Variants in ATF7 observed in about 807,000 individuals in gnomAD.
ATF7 encodes cyclic AMP-dependent transcription factor ATF-7.
ATF7 carries 10 observed loss-of-function variants against 50.4 expected under a neutral mutation model. The observed-to-expected ratio is 0.20, with a 90% CI of 0.12 to 0.34. The LOEUF is 0.34. Among genes scored for constraint, ATF7 ranks in the 10% least tolerant of loss-of-function variants. The pLI is 1.00. For missense variants in ATF7, 465 were observed against 613.9 expected (o/e 0.76, Z 2.56); for synonymous variants, 201 against 226.4 (o/e 0.89, Z 1.01).
chr12:53,552,800 G>C (rs558269663), intron 2 of ATF7, among the ~76,000 whole-genome samples, 163 bp from the exon 3 acceptor site: 9 of 152,132 alleles, frequency 5.9e-5, no homozygotes, highest in African/African-American at 1.9e-4. Flanking sequence ...GGAGAAAAAA[G>C]GGTGCTAGAA....
intron 3 of ATF7, among the ~76,000 whole-genome samples, chr12:53,551,076 A>T (rs141319190): frequency 5.5e-4 from 84 of 152,304 alleles, no homozygotes; most frequent in African/African-American, 1.9e-3. Context: ...AAATACTACA[A>T]TTTTTTTATG....
At chr12:53,529,945 T>C (rs188650920) in intron 9 of ATF7, among the ~76,000 whole-genome samples, 1 of 151,904 alleles carries the variant, frequency 6.6e-6, no homozygotes, top group African/African-American at 2.4e-5. Flanking sequence ...GGTTTCACCA[T>C]GTTGGTCAGT....
intron 1 of ATF7, among the ~76,000 whole-genome samples, chr12:53,624,033 A>T (rs1944503725): frequency 6.6e-6 from 1 of 152,184 alleles, no homozygotes; most frequent in Non-Finnish European, 1.5e-5. Flanking sequence ...AGATGGTAGC[A>T]CTAGTGAGAA....
intron 1 of ATF7, among the ~76,000 whole-genome samples, chr12:53,624,554 A>C (rs1232071164): frequency 6.6e-6 from 1 of 152,248 alleles, no homozygotes; most frequent in Non-Finnish European, 1.5e-5. Flanking sequence ...TACAGAATTA[A>C]GAACTGGTAA....
At chr12:53,554,635 G>A (rs1265256444) in intron 2 of ATF7, among the ~76,000 whole-genome samples, 1 of 151,294 alleles carries the variant, frequency 6.6e-6, no homozygotes, top group African/African-American at 2.4e-5. Flanking sequence ...GGCCTAGGTG[G>A]GTGGATCACT....
intron 2 of ATF7, among the ~76,000 whole-genome samples, chr12:53,581,704 T>C (rs139254899): frequency 6.6e-6 from 1 of 152,134 alleles, no homozygotes; most frequent in East Asian, 1.9e-4. Context: ...GGGAAACTGA[T>C]AGCAGTGAAT....
intron 11 of ATF7, 133 bp downstream of exon 11, chr12:53,523,143 C>T (rs1252496491): frequency 3.1e-6 from 2 of 655,564 alleles, no homozygotes; most frequent in African/African-American, 3.6e-5. Context: ...GGTTGCTCCA[C>T]AAGGGCCACT....
downstream of ATF7, among the ~76,000 whole-genome samples, chr12:53,509,524 G>C (rs1391790242): frequency 7.2e-6 from 1 of 138,116 alleles, no homozygotes; most frequent in African/African-American, 2.7e-5. Context: ...TTTTTTTTAC[G>C]ATGGAGTCTG....
At chr12:53,570,239 G>A (rs1751388135) in intron 2 of ATF7, among the ~76,000 whole-genome samples, 1 of 152,006 alleles carries the variant, frequency 6.6e-6, no homozygotes, top group Non-Finnish European at 1.5e-5. Context: ...ATAACAAATT[G>A]TTCCAATTAT....
chr12:53,545,219 C>A (rs1271911839), intron 3 of ATF7, among the ~76,000 whole-genome samples: 2 of 152,094 alleles, frequency 1.3e-5, no homozygotes, highest in East Asian at 3.9e-4. Context: ...TGCAGGTGGC[C>A]TCTAACTTTC....
At chr12:53,527,269 G>A (rs1724313571) in intron 9 of ATF7, among the ~76,000 whole-genome samples, 1 of 152,042 alleles carries the variant, frequency 6.6e-6, no homozygotes, top group Admixed American at 6.6e-5. Context: ...AGGATCACTG[G>A]AGCCCAGGAG....
intron 1 of ATF7, among the ~76,000 whole-genome samples, chr12:53,611,941 T>C (rs1428163927): frequency 6.6e-6 from 1 of 150,926 alleles, no homozygotes; most frequent in Non-Finnish European, 1.5e-5. Context: ...AAAGAATATG[T>C]TGTGATATGT....
chr12:53,594,068 C>G (rs1239498326), intron 2 of ATF7, among the ~76,000 whole-genome samples: 6 of 152,214 alleles, frequency 3.9e-5, no homozygotes, highest in African/African-American at 1.4e-4. Context: ...ATGACAATAT[C>G]TTGTAAGTCA....
chr12:53,562,550 G>A (rs1941195047), intron 2 of ATF7, among the ~76,000 whole-genome samples: 1 of 152,110 alleles, frequency 6.6e-6, no homozygotes, highest in South Asian at 2.1e-4. Flanking sequence ...GGCTGAGGCA[G>A]GAGAATCACT....
intron 2 of ATF7, among the ~76,000 whole-genome samples, chr12:53,564,768 T>A (rs1941350820): frequency 6.6e-6 from 1 of 152,242 alleles, no homozygotes; most frequent in African/African-American, 2.4e-5. Context: ...GCATTATTAT[T>A]CTACATCAAA....
intron 11 of ATF7, among the ~76,000 whole-genome samples, chr12:53,518,894 A>C (rs1476258619): frequency 3.3e-5 from 5 of 151,866 alleles, no homozygotes; most frequent in African/African-American, 9.7e-5. Context: ...AAAAAAAAAA[A>C]AACCAAAAAA....
chr12:53,570,220 T>C (rs1220807138), intron 2 of ATF7, among the ~76,000 whole-genome samples: 1 of 152,070 alleles, frequency 6.6e-6, no homozygotes, highest in Non-Finnish European at 1.5e-5. Context: ...TTGATTACGG[T>C]CTAAAATGAT....
chr12:53,575,324 T>C (rs560856527), intron 2 of ATF7, among the ~76,000 whole-genome samples: 1 of 151,848 alleles, frequency 6.6e-6, no homozygotes, highest in Admixed American at 6.6e-5. Flanking sequence ...GGAGAATCGC[T>C]TGAACCCAGG....
chr12:53,611,945 GAT>G (rs59249300), intron 1 of ATF7, among the ~76,000 whole-genome samples: 5,985 of 152,084 alleles, frequency 0.039, 358 homozygotes, highest in African/African-American at 0.13. Flanking sequence ...AATATGTTGT[GAT>G]ATGTGAAAAT....
Sources: allele counts gnomAD v4.1 joint callset (sites outside exome capture counted in the v4.1 genomes callset), GRCh38; gene constraint gnomAD v4.1.1; transcripts MANE v1.5; gene names NCBI Gene and HGNC (gene_info 2026-07-23, HGNC 2026-07-21).